Variants in GRM8 observed in about 807,000 individuals in gnomAD.
GRM8 encodes metabotropic glutamate receptor 8.
Under a neutral mutation model 87.2 loss-of-function variants are expected in GRM8, and 47 were observed. That is an observed-to-expected ratio of 0.54 (90% CI 0.43 to 0.69). GRM8 has a LOEUF of 0.69. Among genes scored for constraint, GRM8 ranks in the 30% least tolerant of loss-of-function variants. The pLI is 0.00. For synonymous variants in GRM8, 396 were observed against 404.5 expected (o/e 0.98, Z 0.25); for missense variants, 1,019 against 1,139.2 (o/e 0.89, Z 1.52).
rs1166614171 is a variant in GRM8, at chr7:126,533,244, C to G, written c.2138G>C (p.Trp713Ser). 1 of 1,613,318 alleles carries G rather than the reference C, an allele frequency of 6.2e-7. No individual in the cohort carries two copies. The highest frequency in any genetic ancestry group is 2.2e-5 in the East Asian group (1 of 44,802). The change falls in exon 9 of 11, where the codon TGG (tryptophan) becomes TCG (serine). Residue 713 changes from tryptophan to serine, a missense_variant. Transcript: ENST00000339582. ...GATGTGGGGGGGATCCACAACAAAC[C>G]AGACAAACACTCCAAGGAGCTGGAC... is the stretch of plus-strand genomic sequence containing the variant. ...ISVQLLGVFV[W>S]FVVDPPHIII...
chr7:127,164,474 T>A (rs745945377), intron 2 of GRM8, among the ~76,000 whole-genome samples: 4 of 152,174 alleles, frequency 2.6e-5, no homozygotes, highest in Non-Finnish European at 4.4e-5. Context: ...AAAATCTCAA[T>A]AATTCACTGT....
intron 3 of GRM8, among the ~76,000 whole-genome samples, chr7:126,925,852 C>T (rs1026763701): frequency 1.8e-4 from 27 of 152,166 alleles, no homozygotes; most frequent in South Asian, 2.1e-4. Flanking sequence ...TCTTCTTGGA[C>T]ATTTAGGTCA....
intron 3 of GRM8, among the ~76,000 whole-genome samples, chr7:127,092,286 A>G (rs1824211438): frequency 6.6e-6 from 1 of 151,934 alleles, no homozygotes; most frequent in South Asian, 2.1e-4. Context: ...TCCTTATCTA[A>G]GTCTGGATTT....
intron 7 of GRM8, among the ~76,000 whole-genome samples, chr7:126,647,609 C>T (rs1240326131): frequency 6.6e-6 from 1 of 152,078 alleles, no homozygotes; most frequent in Non-Finnish European, 1.5e-5. Flanking sequence ...CCATTCCAAA[C>T]CACTTGCCTC....
intron 2 of GRM8, among the ~76,000 whole-genome samples, chr7:127,212,225 G>C (rs11563685): frequency 0.027 from 4,078 of 152,218 alleles, 170 homozygotes; most frequent in African/African-American, 0.091. Flanking sequence ...GAGATTCCAA[G>C]TGCCCTGCTT....
chr7:126,943,263 C>T (rs1333385285), intron 3 of GRM8, among the ~76,000 whole-genome samples: 1 of 152,294 alleles, frequency 6.6e-6, no homozygotes, highest in Non-Finnish European at 1.5e-5. Flanking sequence ...TCAAAAGATG[C>T]CAGAATTCAG....
chr7:126,598,641 G>C (rs748795742), intron 8 of GRM8, among the ~76,000 whole-genome samples: 1 of 151,700 alleles, frequency 6.6e-6, no homozygotes, highest in African/African-American at 2.4e-5. Context: ...ATAGGCAAGA[G>C]AGAATCTATC....
chr7:126,817,428 TAATC>T (rs1297201418), intron 6 of GRM8, among the ~76,000 whole-genome samples: 2 of 152,150 alleles, frequency 1.3e-5, no homozygotes, highest in African/African-American at 4.8e-5. Context: ...GGGCTTCACT[TAATC>T]AATGTCATAA....
chr7:126,738,914 A>G (rs1814582268), intron 7 of GRM8, among the ~76,000 whole-genome samples: 1 of 152,062 alleles, frequency 6.6e-6, no homozygotes, highest in South Asian at 2.1e-4. Flanking sequence ...AAAAACTCCA[A>G]GAAGGTTAAG....
intron 6 of GRM8, among the ~76,000 whole-genome samples, chr7:126,885,665 C>A (rs183018215): frequency 3.9e-5 from 6 of 152,176 alleles, no homozygotes; most frequent in Non-Finnish European, 4.4e-5. Flanking sequence ...CTTAAAATGT[C>A]TTTAATTAAG....
intron 3 of GRM8, among the ~76,000 whole-genome samples, chr7:126,967,155 CTGTG>C: frequency 1.1e-5 from 1 of 88,550 alleles, no homozygotes; most frequent in South Asian, 4.7e-4. Flanking sequence ...CTTGTTTACT[CTGTG>C]TGTGTGTTTG....
intron 7 of GRM8, among the ~76,000 whole-genome samples, chr7:126,756,340 T>C (rs1330071962): frequency 6.6e-6 from 1 of 152,054 alleles, no homozygotes; most frequent in Admixed American, 6.6e-5. Context: ...TAGAAGAAAG[T>C]CTAAATCACA....
chr7:127,185,492 T>C lies in GRM8; in HGVS notation c.510+57203A>G, dbSNP rs1794683698. ...TCCAAACAGACCATAAACTAAAATA[T>C]AAAATGCAAAAGTATAAAATTTCTA... is the stretch of plus-strand genomic sequence containing the variant. On this transcript the variant is annotated intron_variant, in intron 2 of 10. Transcript: ENST00000339582. Among the ~76,000 whole-genome samples, 3 of 152,070 alleles carry C rather than the reference T, an allele frequency of 2.0e-5. No individual in the cohort carries two copies. The South Asian group carries it at 6.2e-4, about 31-fold the overall frequency.
intron 1 of GRM8, among the ~76,000 whole-genome samples, chr7:127,248,947 C>A (rs1798721159): frequency 6.6e-6 from 1 of 152,194 alleles, no homozygotes; most frequent in Admixed American, 6.5e-5. Flanking sequence ...GTCATGGACA[C>A]TGAGCATCTA....
intron 7 of GRM8, among the ~76,000 whole-genome samples, chr7:126,701,412 A>G (rs1213443023): frequency 1.3e-5 from 2 of 152,208 alleles, no homozygotes; most frequent in African/African-American, 4.8e-5. Flanking sequence ...AAGAGGGCTC[A>G]GACGCTTCTT....
At position 126,712,912 on chromosome 7, in the gene GRM8, G is replaced by A. The variant is rs138301854; in HGVS notation, c.1357+56953C>T. ...CACAACGAGACACCATCTCACGCCA[G>A]TTAGAATGGTGATCATTAAAAAGTC... On this transcript the variant is annotated intron_variant, in intron 7 of 10. Transcript: ENST00000339582. 6.9e-3 allele frequency among the ~76,000 whole-genome samples: 1,054 copies of A among 152,314 alleles called. 17 individuals are homozygous for A. The highest frequency in any genetic ancestry group is 0.024 in the African/African-American group (995 of 41,572).
chr7:126,558,149 G>A (rs1793342605), intron 8 of GRM8, among the ~76,000 whole-genome samples: 1 of 152,126 alleles, frequency 6.6e-6, no homozygotes, highest in African/African-American at 2.4e-5. Flanking sequence ...CAAAATTCTA[G>A]GTAGCATTTA....
chr7:127,113,261 T>C (rs1346703765), intron 2 of GRM8, among the ~76,000 whole-genome samples: 2 of 152,170 alleles, frequency 1.3e-5, no homozygotes, highest in African/African-American at 4.8e-5. Flanking sequence ...CCACAGTTAC[T>C]GGTTTGCTAA....
At chr7:126,595,340 C>T (rs905543477) in intron 8 of GRM8, among the ~76,000 whole-genome samples, 4 of 151,692 alleles carry the variant, frequency 2.6e-5, no homozygotes, top group Non-Finnish European at 5.9e-5. Context: ...GCTGGGACTA[C>T]AGGCACACAC....
Sources: allele counts gnomAD v4.1 joint callset (sites outside exome capture counted in the v4.1 genomes callset), GRCh38; gene constraint gnomAD v4.1.1; transcripts MANE v1.5; gene names NCBI Gene and HGNC (gene_info 2026-07-23, HGNC 2026-07-21).